Variants in XYLT1 observed in about 807,000 individuals in gnomAD.
The protein encoded by XYLT1 is xylosyltransferase 1.
Under a neutral mutation model 91.3 loss-of-function variants are expected in XYLT1, and 36 were observed. That is an observed-to-expected ratio of 0.39 (90% CI 0.30 to 0.52). The LOEUF is 0.52. XYLT1 is among the 20% of genes least tolerant of loss of function. XYLT1 has a pLI of 0.68. For synonymous variants in XYLT1, 588 were observed against 532.0 expected, an observed-to-expected ratio of 1.11 and a Z score of -1.45; for missense variants, 1,242 against 1,284.5, an observed-to-expected ratio of 0.97 and a Z score of 0.51.
intron 2 of XYLT1, among the ~76,000 whole-genome samples, chr16:17,330,415 A>C (rs1290361360): frequency 6.6e-6 from 1 of 152,004 alleles, no homozygotes; most frequent in Non-Finnish European, 1.5e-5. Context: ...ATACATATCA[A>C]AGACCCGCAT....
chr16:17,187,393 C>CAAAAAAAAAA (rs71137979), intron 5 of XYLT1, among the ~76,000 whole-genome samples: 1 of 55,306 alleles, frequency 1.8e-5, no homozygotes, highest in Non-Finnish European at 3.2e-5. Context: ...GACTCAGTTT[C>CAAAAAAAAAA]AAAAAAAAAA....
rs2033691793 is a variant in XYLT1 at position 17,259,577 on chromosome 16, TCATA to T, written c.403-83_403-80del. On this transcript the variant is annotated intron_variant, in intron 2 of 11. Coordinates refer to ENST00000261381, the MANE Select transcript of XYLT1 (RefSeq NM_022166.4). The stretch of plus-strand genomic sequence containing the variant: ...AGCAGACTGGCCTTTGAAGAGTGAG[TCATA>T]CGGACTTGGAAGCCGGGGCCATAGT... 1.6e-5 allele frequency: 24 copies of T among 1,490,028 alleles called. 1 individual carries two copies. In the South Asian group the frequency reaches 2.9e-4, roughly 18 times the overall value. The allele number at this position is 1,490,028 out of a possible 1,614,324, so 92.3% of individuals were successfully genotyped here.
intron 1 of XYLT1, among the ~76,000 whole-genome samples, chr16:17,447,328 C>A (rs4781979): frequency 6.6e-6 from 1 of 152,242 alleles, no homozygotes; most frequent in South Asian, 2.1e-4. Context: ...TCCCAGCCCA[C>A]GTGATACATT....
intron 1 of XYLT1, among the ~76,000 whole-genome samples, chr16:17,367,614 T>C (rs2035472769): frequency 6.6e-6 from 1 of 152,192 alleles, no homozygotes; most frequent in African/African-American, 2.4e-5. Context: ...GGAAAATAGT[T>C]CATATTTGAG....
chr16:17,169,243 C>T (rs1239983839), intron 5 of XYLT1, among the ~76,000 whole-genome samples: 1 of 152,166 alleles, frequency 6.6e-6, no homozygotes, highest in Non-Finnish European at 1.5e-5. Context: ...AAAAAGTATG[C>T]TGGGGACACC....
chr16:17,298,761 A>C (rs943752562), intron 2 of XYLT1, among the ~76,000 whole-genome samples: 4 of 152,144 alleles, frequency 2.6e-5, no homozygotes, highest in African/African-American at 9.7e-5. Context: ...CACTTGCCTC[A>C]GGGCCTTTGC....
chr16:17,136,269 T>C (rs2030716282), intron 8 of XYLT1, among the ~76,000 whole-genome samples: 1 of 152,150 alleles, frequency 6.6e-6, no homozygotes, highest in African/African-American at 2.4e-5. Context: ...GAAGCCCAAA[T>C]GCATGACTCC....
At chr16:17,197,283 C>T (rs1264614699) in intron 5 of XYLT1, among the ~76,000 whole-genome samples, 1 of 152,090 alleles carries the variant, frequency 6.6e-6, no homozygotes, top group Non-Finnish European at 1.5e-5. Context: ...ACCACTTTCT[C>T]TGTAGGCGTG....
chr16:17,336,249 C>A (rs1483154006), intron 2 of XYLT1, among the ~76,000 whole-genome samples: 1 of 152,208 alleles, frequency 6.6e-6, no homozygotes, highest in Non-Finnish European at 1.5e-5. Context: ...GCAAGGTCTG[C>A]AACAATAGTG....
chr16:17,235,440 T>C (rs1334274908), intron 3 of XYLT1, among the ~76,000 whole-genome samples: 2 of 151,592 alleles, frequency 1.3e-5, no homozygotes, highest in Non-Finnish European at 2.9e-5. Flanking sequence ...CAAATGGGGT[T>C]CAGAGAGGTC....
In XYLT1 at chr16:17,108,913, C is replaced by A; in HGVS notation, c.2662G>T (p.Val888Leu). The change falls in exon 12 of 12, where the codon GTG (valine) becomes TTG (leucine). Residue 888 changes from valine (V) to leucine (L), a missense_variant. By Grantham distance (32) the Val-to-Leu change is conservative. Coordinates refer to ENST00000261381, the MANE Select transcript of XYLT1 (RefSeq NM_022166.4). The stretch of plus-strand genomic sequence containing the variant: ...GCTGCGTTCCTCCGTGCCTGTTCCA[C>A]CTGGGCGGGGTTGATGGGCAGGCTG... ...VLSLPINPAQVEQARRNAAST... is the reference protein window; with the variant it reads ...VLSLPINPAQLEQARRNAAST... 1 of 1,604,568 alleles carries A rather than the reference C, an allele frequency of 6.2e-7. No individual in the cohort carries two copies. Among genetic ancestry groups the A allele is most frequent in the East Asian group, 2.2e-5 (1 of 44,610 alleles).
intron 3 of XYLT1, among the ~76,000 whole-genome samples, chr16:17,211,694 C>T (rs552887553): frequency 6.6e-6 from 1 of 152,160 alleles, no homozygotes; most frequent in South Asian, 2.1e-4. Flanking sequence ...CGTCAAATAC[C>T]ATGCTCTATG....
chr16:17,111,781 T>C (rs1597126125), intron 11 of XYLT1, among the ~76,000 whole-genome samples: 1 of 152,046 alleles, frequency 6.6e-6, no homozygotes, highest in Admixed American at 6.6e-5. Context: ...AGGAAGGAGG[T>C]GAGCAGTCAT....
At chr16:17,214,977 G>A (rs1484783105) in intron 3 of XYLT1, among the ~76,000 whole-genome samples, 3 of 152,076 alleles carry the variant, frequency 2.0e-5, no homozygotes, top group African/African-American at 4.8e-5. Context: ...GGACTGAATC[G>A]TGTCCCCCGA....
intron 2 of XYLT1, among the ~76,000 whole-genome samples, chr16:17,326,331 G>C (rs542650723): frequency 3.8e-4 from 58 of 152,172 alleles, no homozygotes; most frequent in Non-Finnish European, 7.9e-4. Flanking sequence ...CCCCCATCCC[G>C]TGGTAACCAT....
At chr16:17,151,304 T>G (rs2031277230) in intron 6 of XYLT1, among the ~76,000 whole-genome samples, 1 of 152,180 alleles carries the variant, frequency 6.6e-6, no homozygotes, top group Non-Finnish European at 1.5e-5. Context: ...CACATGCCTG[T>G]AATCCCAGCT....
chr16:17,247,499 G>C (rs2033458590), intron 3 of XYLT1, among the ~76,000 whole-genome samples: 1 of 152,136 alleles, frequency 6.6e-6, no homozygotes, highest in Non-Finnish European at 1.5e-5. Flanking sequence ...ACAGGTGCTT[G>C]GTAAATATTT....
chr16:17,311,842 AG>A (rs1567368991), intron 2 of XYLT1, among the ~76,000 whole-genome samples: 1 of 146,264 alleles, frequency 6.8e-6, no homozygotes, highest in African/African-American at 2.5e-5. Flanking sequence ...AGCAGGCAAA[AG>A]GAAAATGAGA....
intron 2 of XYLT1, among the ~76,000 whole-genome samples, chr16:17,290,085 T>C (rs2034199144): frequency 6.6e-6 from 1 of 152,232 alleles, no homozygotes; most frequent in African/African-American, 2.4e-5. Context: ...TCGAACCGTG[T>C]TGGCAATCAA....
Sources: gnomAD v4.1 joint callset for allele counts (sites outside exome capture counted in the v4.1 genomes callset) on GRCh38, gnomAD v4.1.1 for gene constraint, MANE v1.5 for transcripts, NCBI Gene and HGNC (gene_info 2026-07-23, HGNC 2026-07-21) for gene names.